CTNNA2: variants seen among roughly 807,000 people sequenced by gnomAD.
The protein encoded by CTNNA2 is catenin alpha 2.
A neutral mutation model predicts 101.0 loss-of-function variants in CTNNA2; 42 were observed. The observed-to-expected ratio is 0.42, with a 90% CI of 0.32 to 0.54. The LOEUF is 0.54. CTNNA2 is among the 20% of genes least tolerant of loss of function. The pLI is 0.14. For missense variants in CTNNA2, 871 were observed against 1,223.1 expected, an observed-to-expected ratio of 0.71 and a Z score of 4.29; for synonymous variants, 450 against 456.4, an observed-to-expected ratio of 0.99 and a Z score of 0.18.
intron 4 of CTNNA2, chr2:79,500,589 G>A (rs1265752381): frequency 2.6e-5 from 4 of 152,134 alleles, no homozygotes; most frequent in Non-Finnish European, 5.9e-5. Flanking sequence ...ACCCTTCTCT[G>A]CTCTGAAATA....
At chr2:80,552,170 T>C (rs1692615084) in intron 11 of CTNNA2, among the ~76,000 whole-genome samples, 1 of 152,160 alleles carries the variant, frequency 6.6e-6, no homozygotes, top group Non-Finnish European at 1.5e-5. Context: ...AGATCACTGA[T>C]CACAGATCAT....
chr2:79,923,064 G>A (rs1366636765), intron 7 of CTNNA2, among the ~76,000 whole-genome samples: 3 of 152,056 alleles, frequency 2.0e-5, no homozygotes, highest in African/African-American at 7.2e-5. Context: ...GCAGAACCCT[G>A]CCAGCACTCC....
upstream of CTNNA2, among the ~76,000 whole-genome samples, chr2:79,509,012 T>A (rs1208305096): frequency 1.4e-4 from 11 of 78,588 alleles, no homozygotes; most frequent in South Asian, 7.3e-4. Flanking sequence ...TATATATATA[T>A]AAACAATTAC....
intron 18 of CTNNA2, among the ~76,000 whole-genome samples, chr2:80,622,754 C>T (rs761170728): frequency 4.6e-5 from 7 of 151,668 alleles, no homozygotes; most frequent in Non-Finnish European, 8.8e-5. Context: ...TCTTGCCATT[C>T]GAGTCTCTTC....
chr2:79,257,926 C>G (rs1045390763), intron 2 of CTNNA2, among the ~76,000 whole-genome samples: 5 of 152,164 alleles, frequency 3.3e-5, no homozygotes, highest in African/African-American at 9.7e-5. Flanking sequence ...CTTGCCCCCT[C>G]CTAGCTTCCA....
At position 80,238,302 on chromosome 2, in the gene CTNNA2, A is replaced by T. The variant is rs1327660396; in HGVS notation, c.1057-154909A>T. Among the ~76,000 whole-genome samples the T allele has an allele frequency of 2.0e-5, 3 of 152,176 alleles. No homozygotes were observed. In the East Asian group the frequency reaches 5.8e-4, roughly 29 times the overall value. On this transcript the variant is annotated intron_variant, in intron 7 of 18. Coordinates refer to ENST00000402739, the MANE Select transcript of CTNNA2 (RefSeq NM_001282597.3). ...GTTGTGCAGTCGAGTTCATGTAGCC[A>T]CTTCCTGCACAGAAAGACTTCCACT...
intron 2 of CTNNA2, among the ~76,000 whole-genome samples, chr2:79,667,819 T>C (rs1299627135): frequency 6.6e-6 from 1 of 152,250 alleles, no homozygotes; most frequent in Non-Finnish European, 1.5e-5. Context: ...GTATTCAGGT[T>C]TGCACAGCAA....
chr2:79,390,019 T>C (rs868017988), intron 4 of CTNNA2, among the ~76,000 whole-genome samples: 6 of 152,272 alleles, frequency 3.9e-5, no homozygotes, highest in Middle Eastern at 3.4e-3. Context: ...AAACCATTCT[T>C]TCTCTCTCAA....
chr2:79,490,354 T>C lies in CTNNA2; in HGVS notation c.-134-14700T>C, dbSNP rs555151248. On this transcript the variant is annotated intron_variant, in intron 4 of 21. Coordinates refer to the CTNNA2 transcript ENST00000466387. ...CAATTTGCCCTGGGGAGTGGGTCTC[T>C]GCTTCACCTCAGTAGCCATCTGTCA... is the stretch of plus-strand genomic sequence containing the variant. 2.6e-5 allele frequency among the ~76,000 whole-genome samples: 4 copies of C among 152,280 alleles called. No individual in the cohort carries two copies. In the South Asian group the frequency reaches 8.3e-4, roughly 32 times the overall value.
chr2:79,810,109 A>G (rs1676890674), intron 3 of CTNNA2, among the ~76,000 whole-genome samples: 1 of 152,224 alleles, frequency 6.6e-6, no homozygotes, highest in Admixed American at 6.5e-5. Context: ...AAATGCCCCA[A>G]TTAAAAGACA....
intron 3 of CTNNA2, among the ~76,000 whole-genome samples, chr2:79,828,371 G>A (rs934370184): frequency 6.6e-6 from 1 of 152,168 alleles, no homozygotes; most frequent in Non-Finnish European, 1.5e-5. Flanking sequence ...AGCTAGAGCA[G>A]CGCAAAATAA....
chr2:80,024,107 A>G (rs1694771351), intron 7 of CTNNA2, among the ~76,000 whole-genome samples: 1 of 151,978 alleles, frequency 6.6e-6, no homozygotes, highest in African/African-American at 2.4e-5. Context: ...AAAAAAAAAA[A>G]AGTCTATTAA....
chr2:80,311,744 C>T (rs1212727257), intron 7 of CTNNA2, among the ~76,000 whole-genome samples: 1 of 152,252 alleles, frequency 6.6e-6, no homozygotes, highest in African/African-American at 2.4e-5. Context: ...GTTTCACTCT[C>T]ATAAGAAATC....
At chr2:80,406,902 A>C (rs1679122333) in intron 8 of CTNNA2, among the ~76,000 whole-genome samples, 1 of 151,320 alleles carries the variant, frequency 6.6e-6, no homozygotes, top group African/African-American at 2.4e-5. Context: ...AAGTTGCCAT[A>C]GCAACCAGCT....
intron 2 of CTNNA2, among the ~76,000 whole-genome samples, chr2:79,221,923 G>C (rs1184230866): frequency 6.6e-6 from 1 of 152,086 alleles, no homozygotes; most frequent in Non-Finnish European, 1.5e-5. Context: ...GAAGTGTAGA[G>C]GGTATAGGCT....
chr2:80,190,461 C>T (rs1706422208), intron 7 of CTNNA2, among the ~76,000 whole-genome samples: 1 of 152,100 alleles, frequency 6.6e-6, no homozygotes, highest in Admixed American at 6.6e-5. Context: ...TCATTTACCC[C>T]AAAACTCAGG....
chr2:79,523,364 G>C (rs1344545366), intron 1 of CTNNA2: 1 of 299,738 alleles, frequency 3.3e-6, no homozygotes, highest in Non-Finnish European at 6.6e-6. Flanking sequence ...GTAACATGAT[G>C]TTCTATACTT....
chr2:80,519,595 T>A (rs1573110607), intron 9 of CTNNA2, among the ~76,000 whole-genome samples: 1 of 152,214 alleles, frequency 6.6e-6, no homozygotes, highest in Admixed American at 6.5e-5. Context: ...TAGAGAATAA[T>A]AGGTCAGAAC....
At chr2:79,994,667 T>C (rs1446073388) in intron 7 of CTNNA2, among the ~76,000 whole-genome samples, 2 of 152,152 alleles carry the variant, frequency 1.3e-5, no homozygotes, top group East Asian at 1.9e-4. Context: ...AGGAAATTAA[T>C]TTTTATTTTC....
Sources: allele counts gnomAD v4.1 joint callset (sites outside exome capture counted in the v4.1 genomes callset), GRCh38; gene constraint gnomAD v4.1.1; transcripts MANE v1.5; gene names NCBI Gene and HGNC (gene_info 2026-07-23, HGNC 2026-07-21).